CNTN3: variants seen among roughly 807,000 people sequenced by gnomAD.
The protein encoded by CNTN3 is contactin-3.
Under a neutral mutation model 119.1 loss-of-function variants are expected in CNTN3, and 60 were observed. That is an observed-to-expected ratio of 0.50 (90% CI 0.41 to 0.62). The LOEUF (loss-of-function observed/expected upper bound fraction) is 0.62, where lower values mean the gene tolerates loss of function less well. Among genes scored for constraint, CNTN3 ranks in the 20% least tolerant of loss-of-function variants. The pLI is 0.00. For synonymous variants in CNTN3, 450 were observed against 438.7 expected (o/e 1.03, Z -0.32); for missense variants, 1,101 against 1,242.4 (o/e 0.89, Z 1.71).
intron 1 of CNTN3, among the ~76,000 whole-genome samples, chr3:74,521,525 C>A (rs868310060): frequency 6.6e-6 from 1 of 151,570 alleles, no homozygotes; most frequent in Non-Finnish European, 1.5e-5. Flanking sequence ...TTTCCATTTT[C>A]TCTAACGATA....
chr3:74,336,824 CCT>C (rs1339933687), intron 11 of CNTN3, among the ~76,000 whole-genome samples, 166 bp from the exon 12 acceptor site: 1 of 151,828 alleles, frequency 6.6e-6, no homozygotes, highest in Non-Finnish European at 1.5e-5. Context: ...AAAATTCACC[CCT>C]CACTCACATA....
chr3:74,324,197 C>A (rs1478041456), intron 13 of CNTN3, among the ~76,000 whole-genome samples: 1 of 148,108 alleles, frequency 6.8e-6, no homozygotes, highest in Non-Finnish European at 1.5e-5. Context: ...CACACCCTCT[C>A]AAACTAACTC....
At chr3:74,449,556 T>C (rs7432763) in intron 4 of CNTN3, among the ~76,000 whole-genome samples, 26,696 of 152,034 alleles carry the variant, frequency 0.18, 2,696 homozygotes, top group East Asian at 0.46. Context: ...TTGGATCTAT[T>C]AAATATAAAG....
intron 1 of CNTN3, among the ~76,000 whole-genome samples, chr3:74,584,798 T>C (rs1297253239): frequency 6.6e-6 from 1 of 152,108 alleles, no homozygotes; most frequent in Non-Finnish European, 1.5e-5. Flanking sequence ...CATTTGAGAG[T>C]TGAGAAAACT....
At chr3:74,586,159 C>T (rs1470257191) in intron 1 of CNTN3, among the ~76,000 whole-genome samples, 1 of 152,102 alleles carries the variant, frequency 6.6e-6, no homozygotes, top group African/African-American at 2.4e-5. Context: ...CAAAGTAGGG[C>T]AAGTAGCCCC....
intron 5 of CNTN3, among the ~76,000 whole-genome samples, chr3:74,419,315 C>T (rs890650669): frequency 1.3e-5 from 2 of 152,036 alleles, no homozygotes; most frequent in African/African-American, 4.8e-5. Context: ...ATGAAAACTC[C>T]TATTCAGTGC....
intron 1 of CNTN3, among the ~76,000 whole-genome samples, chr3:74,602,372 G>A (rs962841196): frequency 6.6e-6 from 1 of 150,510 alleles, no homozygotes; most frequent in Non-Finnish European, 1.5e-5. Flanking sequence ...ATGTGACAGA[G>A]TGAGAGATAT....
In CNTN3 at chr3:74,369,173, C is replaced by A; in HGVS notation, c.946+16G>T. On this transcript the variant is annotated intron_variant, in intron 8 of 22. Transcript: ENST00000263665. ...GTAAAAGCTAAAACTCCAATTTGCC[C>A]AAAGCAGATGCTCACCATAGTAAGT... The A allele has an allele frequency of 1.3e-6, 2 of 1,563,766 alleles. No homozygotes were observed. The highest frequency in any genetic ancestry group is 8.6e-7 in the Non-Finnish European group (1 of 1,157,476).
At position 74,408,507 on chromosome 3, in the gene CNTN3, T is replaced by A. The variant is rs76251515; in HGVS notation, c.454+16338A>T. On this transcript the variant is annotated intron_variant, in intron 5 of 22. Coordinates refer to ENST00000263665, the MANE Select transcript of CNTN3 (RefSeq NM_020872.3). ...CTGAGATTTGGAAGTTATCCCTGTC[T>A]TTAGAGGGGACATAATTGAGGCCTA... is the stretch of plus-strand genomic sequence containing the variant. Among the ~76,000 whole-genome samples the A allele has an allele frequency of 5.0e-3, 766 of 152,246 alleles. 4 individuals are homozygous for A. The highest frequency in any genetic ancestry group is 0.018 in the African/African-American group (730 of 41,540).
intron 1 of CNTN3, among the ~76,000 whole-genome samples, chr3:74,575,827 C>T (rs1323555770): frequency 1.3e-5 from 2 of 151,940 alleles, no homozygotes; most frequent in Non-Finnish European, 2.9e-5. Context: ...AAGATACTAA[C>T]TGTCCAAGCC....
At chr3:74,344,921 G>T (rs555536470) in intron 11 of CNTN3, among the ~76,000 whole-genome samples, 30 of 152,154 alleles carry the variant, frequency 2.0e-4, no homozygotes, top group African/African-American at 7.0e-4. Context: ...TACAACTGAG[G>T]AGGGGATCAG....
At chr3:74,364,358 T>C in intron 10 of CNTN3, 109 bp downstream of exon 10, 2 of 1,000,476 alleles carry the variant, frequency 2.0e-6, no homozygotes, top group Non-Finnish European at 1.5e-6. Flanking sequence ...ATACTGTAGA[T>C]ATTATTAGAT....
chr3:74,381,884 G>C (rs569887012), intron 5 of CNTN3, among the ~76,000 whole-genome samples: 27 of 152,242 alleles, frequency 1.8e-4, no homozygotes, highest in African/African-American at 6.3e-4. Flanking sequence ...ATTCTCATTT[G>C]TTTAATGTTT....
intron 4 of CNTN3, among the ~76,000 whole-genome samples, chr3:74,452,972 AT>A (rs1390817469): frequency 6.6e-6 from 1 of 151,108 alleles, no homozygotes; most frequent in African/African-American, 2.4e-5. Flanking sequence ...TTGGTCTAAA[AT>A]TCTCTTTTTT....
chr3:74,453,871 G>C (rs1363756743), intron 4 of CNTN3, among the ~76,000 whole-genome samples: 1 of 152,156 alleles, frequency 6.6e-6, no homozygotes, highest in East Asian at 1.9e-4. Context: ...TTGCACTGTG[G>C]TCTGAGAGAG....
intron 2 of CNTN3, among the ~76,000 whole-genome samples, chr3:74,505,291 A>C (rs1051212713): frequency 6.6e-6 from 1 of 152,074 alleles, no homozygotes; most frequent in Non-Finnish European, 1.5e-5. Context: ...TAACCTGCTA[A>C]GAACTTCTAG....
chr3:74,313,348 T>G (rs1702747188), intron 13 of CNTN3, among the ~76,000 whole-genome samples: 1 of 151,780 alleles, frequency 6.6e-6, no homozygotes, highest in Admixed American at 6.6e-5. Flanking sequence ...AAGTAGAATA[T>G]ATGCCCCCAA....
At chr3:74,314,740 C>T (rs1702787270) in intron 13 of CNTN3, among the ~76,000 whole-genome samples, 1 of 152,106 alleles carries the variant, frequency 6.6e-6, no homozygotes, top group African/African-American at 2.4e-5. Flanking sequence ...TGAACAGATC[C>T]AACAGGCAGA....
intron 2 of CNTN3, among the ~76,000 whole-genome samples, chr3:74,505,502 T>TACACAC (rs139877872): frequency 0.19 from 28,206 of 146,416 alleles, 2,943 homozygotes; most frequent in East Asian, 0.36. Flanking sequence ...TGTGCATAAA[T>TACACAC]ACACACACAC....
Sources: gnomAD v4.1 joint callset for allele counts (sites outside exome capture counted in the v4.1 genomes callset) on GRCh38, gnomAD v4.1.1 for gene constraint, MANE v1.5 for transcripts, NCBI Gene and HGNC (gene_info 2026-07-23, HGNC 2026-07-21) for gene names.